OCIAD1: variants seen among roughly 807,000 people sequenced by gnomAD.
OCIAD1 encodes the protein OCIA domain-containing protein 1.
Under a neutral mutation model 38.9 loss-of-function variants are expected in OCIAD1, and 29 were observed. The observed-to-expected ratio is 0.74, with a 90% CI of 0.55 to 1.02. The LOEUF (loss-of-function observed/expected upper bound fraction) is 1.02. Ranked by LOEUF, OCIAD1 falls within the 50% of genes least tolerant of loss-of-function variation. The probability of loss-of-function intolerance (pLI) is 0.00; values close to 1 mark genes in which losing one functional copy is unlikely to be tolerated. For missense variants in OCIAD1, 288 were observed against 289.6 expected, an observed-to-expected ratio of 0.99 and a Z score of 0.04; for synonymous variants, 110 against 92.0, an observed-to-expected ratio of 1.20 and a Z score of -1.12.
chr4:48,832,641 A>G lies in OCIAD1; in HGVS notation c.17A>G (p.Asp6Gly). The G allele has an allele frequency of 6.2e-7, 1 of 1,613,432 alleles. No individual in the cohort carries two copies. The highest frequency in any genetic ancestry group is 8.5e-7 in the Non-Finnish European group (1 of 1,179,378). MNGRA[D>G]FREPNAEVPR... ...ACAGGAAAGATGAATGGGAGGGCTG[A>G]TTTTCGAGAGCCGAATGCAGAGGTT... Residue 6 changes from aspartate (D) to glycine (G), a missense_variant, in exon 2 of 9, where the codon GAT (aspartate) becomes GGT (glycine). Physicochemically the swap from Asp to Gly is moderately conservative, Grantham distance 94. Coordinates refer to ENST00000264312, the MANE Select transcript of OCIAD1 (RefSeq NM_017830.4).
At chr4:48,845,842 A>G (rs9291326) in intron 4 of OCIAD1, among the ~76,000 whole-genome samples, 76,980 of 152,044 alleles carry the variant, frequency 0.51, 19,825 homozygotes, top group South Asian at 0.6. Context: ...TTTATTAACT[A>G]TCTACCTCCA....
intron 1 of OCIAD1, among the ~76,000 whole-genome samples, chr4:48,822,788 A>G (rs977560860): frequency 1.3e-5 from 2 of 152,278 alleles, no homozygotes; most frequent in Non-Finnish European, 2.9e-5. Context: ...CATATAAAAA[A>G]ATGCTCATCA....
intron 4 of OCIAD1, among the ~76,000 whole-genome samples, chr4:48,843,018 A>G (rs1778670881): frequency 6.6e-6 from 1 of 152,228 alleles, no homozygotes; most frequent in Non-Finnish European, 1.5e-5. Flanking sequence ...ATTCATGGGG[A>G]CCAGGAGTCT....
chr4:48,842,263 T>G (rs1477587207), intron 3 of OCIAD1, among the ~76,000 whole-genome samples: 3 of 152,264 alleles, frequency 2.0e-5, no homozygotes, highest in Admixed American at 6.5e-5. Context: ...TGGTTCTTAC[T>G]TGTAACTTGT....
intron 8 of OCIAD1, among the ~76,000 whole-genome samples, chr4:48,857,576 G>A (rs1780168525): frequency 6.6e-6 from 1 of 151,364 alleles, no homozygotes; most frequent in African/African-American, 2.4e-5. Flanking sequence ...CTGGAGTGCA[G>A]TGGCACGATC....
At chr4:48,818,921 T>C (rs1467494780) in intron 1 of OCIAD1, among the ~76,000 whole-genome samples, 1 of 151,790 alleles carries the variant, frequency 6.6e-6, no homozygotes, top group Non-Finnish European at 1.5e-5. Context: ...AATATGTGAC[T>C]ATGTGAAAAG....
intron 1 of OCIAD1, among the ~76,000 whole-genome samples, chr4:48,810,640 C>T (rs879863495): frequency 2.0e-5 from 3 of 151,924 alleles, no homozygotes; most frequent in Non-Finnish European, 4.4e-5. Flanking sequence ...TAGTTGAGCA[C>T]CTGAGCGTCA....
chr4:48,822,100 A>C lies in OCIAD1; in HGVS notation c.-102-8477A>C, dbSNP rs1435554992. Among the ~76,000 whole-genome samples the C allele has an allele frequency of 3.3e-5, 5 of 152,352 alleles. No homozygotes were observed. In the Middle Eastern group the frequency reaches 0.01, roughly 311 times the overall value. ...CCACATAGCCAAGACAATCCTAAGC[A>C]AAAAGAACAAAGCTGGAGGCATCAT... On this transcript the variant is annotated intron_variant, in intron 1 of 6. Transcript: ENST00000504654.
intron 7 of OCIAD1, among the ~76,000 whole-genome samples, chr4:48,852,937 A>C (rs776201121): frequency 2.4e-5 from 3 of 124,404 alleles, no homozygotes; most frequent in African/African-American, 9.7e-5. Context: ...TCTGGACTGT[A>C]GTGGTGCGAT....
chr4:48,812,414 C>T (rs1777099201), intron 1 of OCIAD1, among the ~76,000 whole-genome samples: 1 of 150,250 alleles, frequency 6.7e-6, no homozygotes, highest in African/African-American at 2.5e-5. Flanking sequence ...ATGTCCAAGG[C>T]CTGTCTGAGT....
At chr4:48,833,916 TA>T (rs1055899520) in intron 3 of OCIAD1, among the ~76,000 whole-genome samples, 6 of 152,198 alleles carry the variant, frequency 3.9e-5, no homozygotes, top group African/African-American at 1.4e-4. Context: ...TTAATGCTTT[TA>T]ACCATTATAT....
intron 1 of OCIAD1, among the ~76,000 whole-genome samples, chr4:48,825,609 A>G (rs983715782): frequency 6.6e-6 from 1 of 152,218 alleles, no homozygotes; most frequent in African/African-American, 2.4e-5. Context: ...ATAATGCAGG[A>G]AACTGGCCCA....
rs550120239 is a variant in OCIAD1, at chr4:48,856,177, TG to T, written c.548-1035del. 1.8e-4 allele frequency: 27 copies of T among 152,274 alleles called. No individual in the cohort carries two copies. In the South Asian group the frequency reaches 5.2e-3, roughly 29 times the overall value. The allele number at this position is 152,274 out of a possible 1,614,324, so 9.4% of individuals were successfully genotyped here. A position where few individuals can be genotyped will look rare whatever the true frequency, so the allele number is the denominator to read the frequency against. ...GTCAACCAATATTAGGAGTAACCAC[TG>T]CATTATATTTACATTTGACTCTATG... On this transcript the variant is annotated intron_variant, in intron 7 of 8. Transcript: ENST00000264312.
At chr4:48,829,448 T>C (rs1367895670), upstream of OCIAD1, among the ~76,000 whole-genome samples, 1 of 152,204 alleles carries the variant, frequency 6.6e-6, no homozygotes, top group Admixed American at 6.5e-5. Context: ...CATGTGCCAA[T>C]CACTGATGCT....
chr4:48,808,580 T>C (rs1002469673), intron 1 of OCIAD1, among the ~76,000 whole-genome samples: 2 of 152,132 alleles, frequency 1.3e-5, no homozygotes, highest in Non-Finnish European at 2.9e-5. Flanking sequence ...AGAAGAGGCA[T>C]TGCAGCATTT....
At chr4:48,814,718 C>G (rs1210519613) in intron 1 of OCIAD1, among the ~76,000 whole-genome samples, 7 of 152,122 alleles carry the variant, frequency 4.6e-5, no homozygotes, top group Admixed American at 1.3e-4. Flanking sequence ...TTTCCAAACT[C>G]CTTTCTAGTA....
chr4:48,814,995 A>G (rs1156343121), intron 1 of OCIAD1, among the ~76,000 whole-genome samples: 3 of 152,248 alleles, frequency 2.0e-5, no homozygotes, highest in South Asian at 2.1e-4. Flanking sequence ...CTGGGAGTCC[A>G]GGATTTGTGA....
chr4:48,819,756 A>G (rs1177432045), intron 1 of OCIAD1, among the ~76,000 whole-genome samples: 2 of 138,900 alleles, frequency 1.4e-5, no homozygotes, highest in Non-Finnish European at 3.1e-5. Flanking sequence ...GAGGGGTTGC[A>G]ATCCCAGTCT....
At chr4:48,830,741 A>G (rs1407658224), upstream of OCIAD1, 1 of 152,234 alleles carries the variant, frequency 6.6e-6, no homozygotes, top group Admixed American at 6.5e-5. Flanking sequence ...TTATCTCATA[A>G]AAGAGATAAT....
Sources: gnomAD v4.1 joint callset for allele counts (sites outside exome capture counted in the v4.1 genomes callset) on GRCh38, gnomAD v4.1.1 for gene constraint, MANE v1.5 for transcripts, NCBI Gene and HGNC (gene_info 2026-07-23, HGNC 2026-07-21) for gene names.